NUP153: variants seen among roughly 807,000 people sequenced by gnomAD.
NUP153 encodes the protein nuclear pore complex protein Nup153.
Under a neutral mutation model 134.6 loss-of-function variants are expected in NUP153, and 27 were observed. The ratio of observed to expected loss-of-function variants is 0.20; its 90% CI spans 0.15 to 0.28. NUP153 has a LOEUF of 0.28. NUP153 is among the 10% of genes least tolerant of loss of function. The pLI, the probability that NUP153 is intolerant of heterozygous loss-of-function variation, is 1.00. For missense variants in NUP153, 1,821 were observed against 1,731.3 expected, an observed-to-expected ratio of 1.05 and a Z score of -0.92; for synonymous variants, 640 against 623.5, an observed-to-expected ratio of 1.03 and a Z score of -0.40.
intron 1 of NUP153, among the ~76,000 whole-genome samples, chr6:17,694,748 G>A (rs1254473880): frequency 6.6e-6 from 1 of 151,936 alleles, no homozygotes; most frequent in Non-Finnish European, 1.5e-5. Flanking sequence ...GGAGGCTGAA[G>A]AGGGAGAATC....
At chr6:17,671,424 A>G (rs1179488210) in intron 5 of NUP153, among the ~76,000 whole-genome samples, 1 of 152,188 alleles carries the variant, frequency 6.6e-6, no homozygotes, top group Non-Finnish European at 1.5e-5. Context: ...CAGGGAAGCT[A>G]TCTGAGCCTG....
At chr6:17,620,649 A>T (rs1212864757) in intron 20 of NUP153, among the ~76,000 whole-genome samples, 2 of 152,190 alleles carry the variant, frequency 1.3e-5, no homozygotes, top group Non-Finnish European at 2.9e-5. Context: ...ACACAAATTC[A>T]TAAACTTTCT....
rs1768123200 is a variant in NUP153, at chr6:17,674,885, A to G, written c.852+20T>C. ...AAAAAAAGAAAAAAAAAGATCATCAACCCTTCTATTGGAACCTACCTGATA... is the reference window on the plus strand; with the variant it reads ...AAAAAAAGAAAAAAAAAGATCATCAGCCCTTCTATTGGAACCTACCTGATA... On this transcript the variant is annotated intron_variant, in intron 5 of 21. Coordinates refer to ENST00000262077, the MANE Select transcript of NUP153 (RefSeq NM_005124.4). The G allele has an allele frequency of 6.6e-7, 1 of 1,515,538 alleles. No individual in the cohort carries two copies. Among genetic ancestry groups the G allele is most frequent in the East Asian group, 2.4e-5 (1 of 42,234 alleles). The allele number at this position is 1,515,538 out of a possible 1,614,324, so 93.9% of individuals were successfully genotyped here.
At chr6:17,683,407 C>T (rs1768730408) in intron 2 of NUP153, among the ~76,000 whole-genome samples, 1 of 152,156 alleles carries the variant, frequency 6.6e-6, no homozygotes, top group Admixed American at 6.5e-5. Flanking sequence ...GCAGAATGGA[C>T]ATTGTATTAT....
rs1206134728 is a variant in NUP153 at position 17,682,870 on chromosome 6, A to G, written c.334+5526T>C. Among the ~76,000 whole-genome samples the G allele has an allele frequency of 4.2e-5, 6 of 141,362 alleles. No homozygotes were observed. In the East Asian group the frequency reaches 9.2e-4, roughly 22 times the overall value. The allele number at this position is 141,362 out of a possible 152,430, so 92.7% of individuals were successfully genotyped here. A position where few individuals can be genotyped will look rare whatever the true frequency, so the allele number is the denominator to read the frequency against. On this transcript the variant is annotated intron_variant, in intron 2 of 21. Coordinates refer to ENST00000262077, the MANE Select transcript of NUP153 (RefSeq NM_005124.4). Reference sequence around the variant, plus strand: ...GAGGCTGAAGTTGCAGTGGGCTGAGATTGTGCCACTGCACTCCAGAGTGGG... The same window carrying G: ...GAGGCTGAAGTTGCAGTGGGCTGAGGTTGTGCCACTGCACTCCAGAGTGGG...
At chr6:17,693,898 C>T (rs982273923) in intron 1 of NUP153, among the ~76,000 whole-genome samples, 1 of 152,190 alleles carries the variant, frequency 6.6e-6, no homozygotes, top group Non-Finnish European at 1.5e-5. Flanking sequence ...ACCACCGCGC[C>T]TGGCCTAATA....
Position 17,624,660 on chromosome 6 carries a change from G to A in NUP153, c.4075C>T (p.Pro1359Ser). 2 of 1,614,146 alleles carry A rather than the reference G, an allele frequency of 1.2e-6. No individual in the cohort carries two copies. The highest frequency in any genetic ancestry group is 1.3e-5 in the African/African-American group (1 of 75,038). ...ALFPTGSQPA[P>S]PTFGTVSSSS... is the part of the protein sequence containing the mutation. ...CTTGACACTGTCCCAAAAGTAGGTG[G>A]TGCAGGCTGAGAACCAGTGGGAAAT... The change falls in exon 20 of 22, where the codon CCA becomes TCA. Residue 1359 changes from proline to serine, a missense_variant. Coordinates refer to ENST00000262077, the MANE Select transcript of NUP153 (RefSeq NM_005124.4).
intron 16 of NUP153, among the ~76,000 whole-genome samples, chr6:17,635,989 C>G (rs575193096): frequency 6.6e-6 from 1 of 152,280 alleles, no homozygotes; most frequent in South Asian, 2.1e-4. Flanking sequence ...CAAGGGCTTT[C>G]TTTTTGTAGG....
intron 2 of NUP153, among the ~76,000 whole-genome samples, chr6:17,681,412 C>T (rs1030921424): frequency 2.0e-5 from 3 of 152,144 alleles, no homozygotes; most frequent in African/African-American, 7.2e-5. Context: ...GGTGAAACCC[C>T]GTGTCTACTA....
chr6:17,668,518 C>T (rs779010668), intron 8 of NUP153, among the ~76,000 whole-genome samples: 2 of 151,968 alleles, frequency 1.3e-5, no homozygotes, highest in Non-Finnish European at 2.9e-5. Flanking sequence ...CTGAGGACTG[C>T]AGAAGAGAGT....
At position 17,615,490 on chromosome 6, in the gene NUP153, AAT is replaced by A. The variant is rs1437219663; in HGVS notation, c.*605_*606del. 2 of 152,674 alleles carry A rather than the reference AAT, an allele frequency of 1.3e-5. No individual in the cohort carries two copies. The highest frequency in any genetic ancestry group is 4.8e-5 in the African/African-American group (2 of 41,466). 9.5% of individuals were successfully genotyped at this position (152,674 alleles called of 1,614,324 possible). ...GCAAGACAGGTGATAGGAGAATGAA[AAT>A]ATAGAAATAGCATATAATTATTAAA... On this transcript the variant is annotated 3_prime_UTR_variant, in exon 22 of 22. Transcript: ENST00000262077. This position sits in a 1 kb window ranked among gnomAD's most constrained non-coding sequence, Gnocchi z 5.7.
chr6:17,664,403 C>A (rs1430609304), intron 9 of NUP153, among the ~76,000 whole-genome samples: 2 of 151,982 alleles, frequency 1.3e-5, no homozygotes, highest in African/African-American at 4.8e-5. Context: ...GAAACAGAAA[C>A]CAATGTGGCC....
intron 1 of NUP153, among the ~76,000 whole-genome samples, chr6:17,700,065 T>C (rs1241349916): frequency 6.6e-6 from 1 of 152,138 alleles, no homozygotes; most frequent in African/African-American, 2.4e-5. Context: ...CATGCAAGTA[T>C]TGAATTTAGT....
intron 16 of NUP153, among the ~76,000 whole-genome samples, chr6:17,636,285 A>G (rs549037998): frequency 8.6e-5 from 13 of 151,932 alleles, no homozygotes; most frequent in African/African-American, 2.9e-4. Flanking sequence ...CAGTGAGCCA[A>G]GATTGTGCCA....
Position 17,644,948 on chromosome 6 carries a change from T to C in NUP153, c.1720+1119A>G, listed in dbSNP as rs541883052. 2.2e-4 allele frequency among the ~76,000 whole-genome samples: 33 copies of C among 152,152 alleles called. 1 individual carries two copies. The South Asian group carries it at 5.6e-3, about 26-fold the overall frequency. ...AAAATACAAAAAAATTAGCCAGGCG[T>C]GGTGGCAGGCGCCTGTGGTGCCAGC... On this transcript the variant is annotated intron_variant, in intron 14 of 21. Coordinates refer to ENST00000262077, the MANE Select transcript of NUP153 (RefSeq NM_005124.4).
chr6:17,700,482 A>G (rs984214110), intron 1 of NUP153, among the ~76,000 whole-genome samples: 8 of 152,210 alleles, frequency 5.3e-5, no homozygotes, highest in Non-Finnish European at 7.3e-5. Flanking sequence ...TTCCATTTCT[A>G]TTCCCACTGA....
At chr6:17,672,255 C>T (rs758554188) in intron 5 of NUP153, among the ~76,000 whole-genome samples, 28 of 152,030 alleles carry the variant, frequency 1.8e-4, no homozygotes, top group Non-Finnish European at 5.9e-5. Flanking sequence ...GTCAAAAGTC[C>T]AGAAATAAAG....
chr6:17,623,836 C>A (rs1764776843), intron 20 of NUP153, among the ~76,000 whole-genome samples: 1 of 151,986 alleles, frequency 6.6e-6, no homozygotes, highest in African/African-American at 2.4e-5. Context: ...CATCTATTAG[C>A]CAATAAATGC....
At chr6:17,695,698 T>C (rs1190920366) in intron 1 of NUP153, among the ~76,000 whole-genome samples, 2 of 152,126 alleles carry the variant, frequency 1.3e-5, no homozygotes, top group Non-Finnish European at 2.9e-5. Context: ...TGCACAGTAT[T>C]GGAAAGGAGA....
Sources: allele counts gnomAD v4.1 joint callset (sites outside exome capture counted in the v4.1 genomes callset), GRCh38; gene constraint gnomAD v4.1.1; non-coding constraint Gnocchi (gnomAD v3.1); transcripts MANE v1.5; gene names NCBI Gene and HGNC (gene_info 2026-07-23, HGNC 2026-07-21).